The following LTBP2 variants were observed in gnomAD, a reference collection of about 807,000 sequenced individuals.
The protein encoded by LTBP2 is latent transforming growth factor beta binding protein 2.
In LTBP2, 103 loss-of-function variants were observed where a neutral mutation model predicts 210.6. That is an observed-to-expected ratio of 0.49 (90% CI 0.42 to 0.58). The LOEUF (loss-of-function observed/expected upper bound fraction) is 0.58, where lower values mean the gene tolerates loss of function less well. Ranked by LOEUF, LTBP2 falls within the 20% of genes least tolerant of loss-of-function variation. The pLI is 0.00. For missense variants in LTBP2, 2,313 were observed against 2,494.5 expected (o/e 0.93, Z 1.55); for synonymous variants, 1,007 against 1,015.0 (o/e 0.99, Z 0.15).
At chr14:74,543,389 A>AC (rs1453007037) in intron 8 of LTBP2, among the ~76,000 whole-genome samples, 1 of 151,568 alleles carries the variant, frequency 6.6e-6, no homozygotes, top group Non-Finnish European at 1.5e-5. Flanking sequence ...AAAAAAAAAA[A>AC]AAAAAAAACA....
chr14:74,513,337 C>T (rs558596201), intron 18 of LTBP2, among the ~76,000 whole-genome samples: 10 of 152,340 alleles, frequency 6.6e-5, no homozygotes, highest in South Asian at 2.1e-4. Flanking sequence ...ACTGTGAGTG[C>T]GTATGATACG....
chr14:74,522,054 G>T lies in LTBP2; in HGVS notation c.2660-15C>A. On this transcript the variant is annotated splice_polypyrimidine_tract_variant and intron_variant, in intron 16 of 35. Coordinates refer to ENST00000261978, the MANE Select transcript of LTBP2 (RefSeq NM_000428.3). ...CTCGTTGTCATCTGACCAGAAGAAG[G>T]CAGGGAGGGAGGTCAGGGGGGCCAG... 5 of 1,609,924 alleles carry T rather than the reference G, an allele frequency of 3.1e-6. No homozygotes were observed. The highest frequency in any genetic ancestry group is 1.3e-5 in the African/African-American group (1 of 74,992).
chr14:74,588,149 A>G (rs149380310), intron 2 of LTBP2, among the ~76,000 whole-genome samples: 183 of 152,214 alleles, frequency 1.2e-3, no homozygotes, highest in African/African-American at 4.1e-3. Flanking sequence ...AACAGGAAAA[A>G]CACTTGTCGT....
At chr14:74,504,596 A>G (rs541350061) in intron 30 of LTBP2, among the ~76,000 whole-genome samples, 182 bp downstream of exon 30, 2 of 152,360 alleles carry the variant, frequency 1.3e-5, no homozygotes, top group African/African-American at 2.4e-5. Context: ...TGGACACTCC[A>G]AGAGCAGCTT....
chr14:74,556,442 T>C (rs1017409954), intron 3 of LTBP2, among the ~76,000 whole-genome samples: 4 of 152,272 alleles, frequency 2.6e-5, no homozygotes, highest in African/African-American at 9.6e-5. Flanking sequence ...CGCTATATGA[T>C]AGTCCAGCTA....
At chr14:74,532,634 TC>T in intron 9 of LTBP2, 86 bp from the exon 10 acceptor site, 1 of 1,484,306 alleles carries the variant, frequency 6.7e-7, no homozygotes, top group Non-Finnish European at 9.2e-7. Context: ...TCAAATACTC[TC>T]TCCAGATAAA....
chr14:74,554,458 C>T (rs1164182772), intron 4 of LTBP2, among the ~76,000 whole-genome samples: 4 of 151,904 alleles, frequency 2.6e-5, no homozygotes, highest in Admixed American at 2.6e-4. Flanking sequence ...GTTATCATGC[C>T]ACCACACTCC....
At chr14:74,537,283 T>C (rs2139728858) in intron 8 of LTBP2, among the ~76,000 whole-genome samples, 1 of 152,294 alleles carries the variant, frequency 6.6e-6, no homozygotes, top group East Asian at 1.9e-4. Context: ...ATACTTCTGA[T>C]CGCCACCTGT....
At chr14:74,567,445 G>A (rs926902994) in intron 3 of LTBP2, among the ~76,000 whole-genome samples, 3 of 152,174 alleles carry the variant, frequency 2.0e-5, no homozygotes, top group Non-Finnish European at 2.9e-5. Flanking sequence ...GCTCACACCC[G>A]GGCCACCTCA....
intron 4 of LTBP2, among the ~76,000 whole-genome samples, chr14:74,553,386 C>G (rs1444084422): frequency 6.6e-6 from 1 of 152,112 alleles, no homozygotes; most frequent in East Asian, 1.9e-4. Flanking sequence ...CCTACTGTGT[C>G]CATTTTACAG....
chr14:74,543,706 G>A (rs578195176), intron 8 of LTBP2, among the ~76,000 whole-genome samples: 1 of 152,108 alleles, frequency 6.6e-6, no homozygotes, highest in African/African-American at 2.4e-5. Context: ...TCTTCATGGG[G>A]TTATTATGAA....
intron 2 of LTBP2, among the ~76,000 whole-genome samples, chr14:74,590,311 A>G (rs115510427): frequency 0.047 from 7,192 of 152,344 alleles, 276 homozygotes; most frequent in Admixed American, 0.12. Flanking sequence ...CAAAGAAGTC[A>G]TTCTATCAAA....
At chr14:74,521,830 T>C in intron 17 of LTBP2, 81 bp downstream of exon 17, 1 of 1,572,700 alleles carries the variant, frequency 6.4e-7, no homozygotes, top group South Asian at 1.1e-5. Flanking sequence ...GCACGGTGTT[T>C]GGGGGTGTGA....
rs188610820 is a variant in LTBP2 at position 74,519,850 on chromosome 14, C to G, written c.2788+2061G>C. Among the ~76,000 whole-genome samples the G allele has an allele frequency of 2.3e-4, 35 of 152,348 alleles. 1 individual carries two copies. Among genetic ancestry groups the G allele is most frequent in the African/African-American group, 8.2e-4 (34 of 41,578 alleles). ...AGGCCAGCTCCCCAGGCTGGGTCTG[C>G]AAAGAGCAGTGCCTCTGGCCCACAA... is the stretch of plus-strand genomic sequence containing the variant. On this transcript the variant is annotated intron_variant, in intron 17 of 35. Transcript: ENST00000261978.
chr14:74,509,022 G>A, intron 22 of LTBP2, 70 bp from the exon 23 acceptor site: 1 of 1,601,868 alleles, frequency 6.2e-7, no homozygotes, highest in South Asian at 1.1e-5. Context: ...CAAGGGGGAA[G>A]TCTCCAGAGG....
At chr14:74,509,407 A>C in intron 21 of LTBP2, 44 bp from the exon 22 acceptor site, 1 of 1,611,586 alleles carries the variant, frequency 6.2e-7, no homozygotes, top group Middle Eastern at 1.7e-4. Context: ...GAGGGCTCCC[A>C]CTCCCCAGGC....
intron 33 of LTBP2, 24 bp downstream of exon 33, chr14:74,503,195 G>C (rs759688445): frequency 1.2e-6 from 2 of 1,613,140 alleles, no homozygotes; most frequent in Non-Finnish European, 8.5e-7. Flanking sequence ...AGCCCTGCAG[G>C]GTATCCCCTT....
At chr14:74,545,386 C>T (rs1047265553) in intron 8 of LTBP2, among the ~76,000 whole-genome samples, 1 of 152,178 alleles carries the variant, frequency 6.6e-6, no homozygotes, top group Non-Finnish European at 1.5e-5. Context: ...CAGGAACTGG[C>T]GGCTATTCTT....
chr14:74,540,876 T>A (rs147847553), intron 8 of LTBP2, among the ~76,000 whole-genome samples: 55,052 of 78,452 alleles, frequency 0.7, 20,606 homozygotes, highest in Non-Finnish European at 0.82. Flanking sequence ...TTTATATATA[T>A]AATATATATA....
Sources: allele counts gnomAD v4.1 joint callset (sites outside exome capture counted in the v4.1 genomes callset), GRCh38; gene constraint gnomAD v4.1.1; transcripts MANE v1.5; gene names NCBI Gene and HGNC (gene_info 2026-07-23, HGNC 2026-07-21).